The following HS2ST1 variants were observed in gnomAD, a reference collection of about 807,000 sequenced individuals.
HS2ST1 encodes heparan sulfate 2-O-sulfotransferase 1.
In HS2ST1, 18 loss-of-function variants were observed where a neutral mutation model predicts 42.9. The ratio of observed to expected loss-of-function variants is 0.42; its 90% confidence interval spans 0.29 to 0.62. The LOEUF (loss-of-function observed/expected upper bound fraction) is 0.62, where lower values mean the gene tolerates loss of function less well. Ranked by LOEUF, HS2ST1 falls within the 20% of genes least tolerant of loss-of-function variation. The pLI, the probability that HS2ST1 is intolerant of heterozygous loss-of-function variation, is 0.21. For synonymous variants in HS2ST1, 146 were observed against 152.9 expected, an observed-to-expected ratio of 0.95 and a Z score of 0.33; for missense variants, 334 against 433.8, an observed-to-expected ratio of 0.77 and a Z score of 2.04.
At chr1:86,928,272 G>A (rs751022213) in intron 1 of HS2ST1, among the ~76,000 whole-genome samples, 14 of 151,902 alleles carry the variant, frequency 9.2e-5, no homozygotes, top group Non-Finnish European at 1.9e-4. Context: ...TTAAATATAG[G>A]CAGGAATATT....
chr1:87,001,880 T>C (rs1424391051), intron 1 of HS2ST1, among the ~76,000 whole-genome samples: 1 of 152,150 alleles, frequency 6.6e-6, no homozygotes, highest in Non-Finnish European at 1.5e-5. Flanking sequence ...CCCAAAGTGC[T>C]GGGATTACAG....
intron 1 of HS2ST1, among the ~76,000 whole-genome samples, chr1:87,036,116 A>G (rs970738997): frequency 2.0e-5 from 3 of 152,092 alleles, no homozygotes; most frequent in African/African-American, 7.2e-5. Flanking sequence ...AGCTTCATCC[A>G]TGTCCCTGCA....
At chr1:87,029,508 T>C (rs146367616) in intron 1 of HS2ST1, among the ~76,000 whole-genome samples, 4 of 152,252 alleles carry the variant, frequency 2.6e-5, no homozygotes, top group East Asian at 1.9e-4. Flanking sequence ...ACCAAACAAA[T>C]TGATGTTAAA....
intron 1 of HS2ST1, among the ~76,000 whole-genome samples, chr1:87,052,274 C>T (rs1418465575): frequency 6.6e-6 from 1 of 151,946 alleles, no homozygotes; most frequent in African/African-American, 2.4e-5. Context: ...TTTTTTAACT[C>T]ACTTTTTTAG....
chr1:87,088,543 C>T (rs1267814019), intron 3 of HS2ST1, among the ~76,000 whole-genome samples: 3 of 151,948 alleles, frequency 2.0e-5, no homozygotes, highest in Admixed American at 6.6e-5. Context: ...AGGTTTTGTG[C>T]GGACTTATGT....
chr1:87,077,547 AT>A (rs1557538058), intron 2 of HS2ST1, among the ~76,000 whole-genome samples: 1 of 152,198 alleles, frequency 6.6e-6, no homozygotes, highest in Non-Finnish European at 1.5e-5. Context: ...TGTGTACTGT[AT>A]CACTCTTGTT....
chr1:87,099,096 A>G (rs942249134), intron 5 of HS2ST1, among the ~76,000 whole-genome samples: 2 of 152,218 alleles, frequency 1.3e-5, no homozygotes, highest in Non-Finnish European at 2.9e-5. Flanking sequence ...TGTTTTATAA[A>G]TAAAGTTTTA....
chr1:86,985,368 G>GTATATATATGTGTATA (rs71082051), intron 1 of HS2ST1, among the ~76,000 whole-genome samples: 2 of 26,946 alleles, frequency 7.4e-5, no homozygotes, highest in African/African-American at 1.6e-4. Flanking sequence ...AAAAAAAAAA[G>GTATATATATGTGTATA]TATATATATA....
intron 1 of HS2ST1, among the ~76,000 whole-genome samples, chr1:87,032,652 A>T (rs1650268948): frequency 6.6e-6 from 1 of 152,164 alleles, no homozygotes; most frequent in Non-Finnish European, 1.5e-5. Flanking sequence ...AGATTAATTT[A>T]CAATGTAATC....
intron 1 of HS2ST1, among the ~76,000 whole-genome samples, chr1:86,967,854 A>C (rs1459823986): frequency 6.6e-6 from 1 of 152,168 alleles, no homozygotes. Flanking sequence ...ACCTACTTTT[A>C]GTTCTTTAAG....
At chr1:86,939,673 A>T (rs1324083833) in intron 1 of HS2ST1, among the ~76,000 whole-genome samples, 1 of 152,204 alleles carries the variant, frequency 6.6e-6, no homozygotes, top group South Asian at 2.1e-4. Flanking sequence ...TCCTATGTGC[A>T]CTAAGGTTAA....
chr1:87,051,282 T>A (rs544450828), intron 1 of HS2ST1, among the ~76,000 whole-genome samples: 1 of 152,262 alleles, frequency 6.6e-6, no homozygotes, highest in Non-Finnish European at 1.5e-5. Context: ...GTACTTAAAT[T>A]TATGTTGCCT....
rs540255744 is a variant in HS2ST1 at position 87,038,967 on chromosome 1, C to T, written c.125-33967C>T. Among the ~76,000 whole-genome samples the T allele has an allele frequency of 1.3e-3, 204 of 151,642 alleles. 3 individuals carry two copies. Among genetic ancestry groups the T allele is most frequent in the Non-Finnish European group, 2.4e-3 (160 of 67,904 alleles). ...ATAATTTTAATATTTCTATTGTATA[C>T]AATTGAAAAGTATTTTTAAATTTCC... On this transcript the variant is annotated intron_variant, in intron 1 of 6. Coordinates refer to ENST00000370550, the MANE Select transcript of HS2ST1 (RefSeq NM_012262.4).
chr1:87,075,126 A>C (rs1352069765), intron 2 of HS2ST1, among the ~76,000 whole-genome samples: 1 of 137,188 alleles, frequency 7.3e-6, no homozygotes, highest in East Asian at 2.1e-4. Context: ...TAATAATATC[A>C]TATTTTGTTG....
At chr1:86,996,975 T>TATAC (rs1231545163) in intron 1 of HS2ST1, among the ~76,000 whole-genome samples, 69 of 152,262 alleles carry the variant, frequency 4.5e-4, no homozygotes, top group African/African-American at 1.5e-3. Flanking sequence ...TATATATATA[T>TATAC]ACAACAGCTA....
At chr1:87,079,245 C>T (rs1391465159) in intron 2 of HS2ST1, among the ~76,000 whole-genome samples, 1 of 151,912 alleles carries the variant, frequency 6.6e-6, no homozygotes, top group Non-Finnish European at 1.5e-5. Context: ...CCAAGCGATT[C>T]TCCTGTCTCA....
intron 1 of HS2ST1, among the ~76,000 whole-genome samples, chr1:87,053,541 T>G (rs1254823090): frequency 1.3e-5 from 2 of 152,220 alleles, no homozygotes; most frequent in East Asian, 3.8e-4. Flanking sequence ...TACAATATTA[T>G]GTTTAGTTTT....
At chr1:86,919,029 T>C (rs547912166) in intron 1 of HS2ST1, among the ~76,000 whole-genome samples, 1 of 151,926 alleles carries the variant, frequency 6.6e-6, no homozygotes, top group Non-Finnish European at 1.5e-5. Context: ...CAGGCTGGAG[T>C]GCAGTGGCAC....
intron 3 of HS2ST1, among the ~76,000 whole-genome samples, chr1:87,089,799 CAT>C (rs1419159750): frequency 6.6e-6 from 1 of 152,008 alleles, no homozygotes; most frequent in Non-Finnish European, 1.5e-5. Context: ...CCATTCCACA[CAT>C]AGATAGTCAT....
Sources: allele counts gnomAD v4.1 joint callset (sites outside exome capture counted in the v4.1 genomes callset), GRCh38; gene constraint gnomAD v4.1.1; transcripts MANE v1.5; gene names NCBI Gene and HGNC (gene_info 2026-07-23, HGNC 2026-07-21).